Variants in DPF3 observed in about 807,000 individuals in gnomAD.
The protein encoded by DPF3 is zinc finger protein DPF3.
In DPF3, 18 loss-of-function variants were observed where a neutral mutation model predicts 56.8. The observed-to-expected ratio is 0.32, with a 90% CI of 0.22 to 0.47. The LOEUF (loss-of-function observed/expected upper bound fraction) is 0.47. Among genes scored for constraint, DPF3 ranks in the 20% least tolerant of loss-of-function variants. The probability of loss-of-function intolerance (pLI) is 1.00; values close to 1 mark genes in which losing one functional copy is unlikely to be tolerated. For missense variants in DPF3, 403 were observed against 488.8 expected (o/e 0.82, Z 1.65); for synonymous variants, 188 against 180.2 (o/e 1.04, Z -0.35).
chr14:72,846,358 C>T (rs1466871005), intron 1 of DPF3, among the ~76,000 whole-genome samples: 6 of 105,140 alleles, frequency 5.7e-5, no homozygotes, highest in Admixed American at 1.4e-4. Context: ...TTTTTTGAGA[C>T]GGAGTCTCAC....
At chr14:72,736,805 C>T (rs562506369) in intron 3 of DPF3, among the ~76,000 whole-genome samples, 2 of 152,190 alleles carry the variant, frequency 1.3e-5, no homozygotes, top group Non-Finnish European at 2.9e-5. Context: ...CTCACACAAA[C>T]TTGGGGCCCA....
chr14:72,685,926 A>G (rs187115488), intron 7 of DPF3, among the ~76,000 whole-genome samples: 6 of 152,342 alleles, frequency 3.9e-5, no homozygotes, highest in Non-Finnish European at 8.8e-5. Context: ...ACACTTGTCT[A>G]GATTGCCCTC....
intron 1 of DPF3, among the ~76,000 whole-genome samples, chr14:72,870,542 A>G (rs1253017292): frequency 6.6e-6 from 1 of 152,246 alleles, no homozygotes; most frequent in Non-Finnish European, 1.5e-5. Flanking sequence ...TCCTGGACAA[A>G]GCATGCCATA....
In DPF3 at chr14:72,673,227, T is replaced by C. The variant is rs143648603; in HGVS notation, c.871+1013A>G. Among the ~76,000 whole-genome samples, 477 of 152,274 alleles carry C rather than the reference T, an allele frequency of 3.1e-3. 1 individual carries two copies. Among genetic ancestry groups the C allele is most frequent in the Non-Finnish European group, 5.4e-3 (365 of 68,006 alleles). ...CAAGGAAAGAGCTGAGTTGCTACAG[T>C]CAACCATGATGGGGTCATCTCAGTT... On this transcript the variant is annotated intron_variant, in intron 8 of 10. Transcript: ENST00000556509.
intron 1 of DPF3, 131 bp downstream of exon 1, chr14:72,893,923 AAAG>A (rs1254680608): frequency 8.3e-6 from 8 of 967,944 alleles, no homozygotes; most frequent in African/African-American, 6.6e-5. Flanking sequence ...GTAAGAGCTG[AAAG>A]AAGAGAGAAG....
chr14:72,721,713 C>T (rs1043904538), intron 5 of DPF3, among the ~76,000 whole-genome samples: 6 of 152,076 alleles, frequency 3.9e-5, no homozygotes, highest in Non-Finnish European at 8.8e-5. Context: ...GGATTCTTAC[C>T]TCCCCACAAG....
chr14:72,773,921 GGTTGCT>G, intron 1 of DPF3: 1 of 455,434 alleles, frequency 2.2e-6, no homozygotes, highest in Non-Finnish European at 4.4e-6. Context: ...TGGATATCTG[GGTTGCT>G]TCCACATTTT....
intron 1 of DPF3, chr14:72,879,764 C>T (rs1259538787): frequency 1.3e-6 from 2 of 1,513,692 alleles, no homozygotes; most frequent in Admixed American, 2.1e-5. Context: ...TCCCCTCAGA[C>T]TAACAAGTTC....
At chr14:72,804,463 G>A (rs563696582) in intron 1 of DPF3, among the ~76,000 whole-genome samples, 7 of 152,140 alleles carry the variant, frequency 4.6e-5, no homozygotes, top group Non-Finnish European at 7.3e-5. Context: ...AATCTCTAAC[G>A]CAGATAAAGA....
intron 3 of DPF3, among the ~76,000 whole-genome samples, chr14:72,738,367 G>A (rs1889985653): frequency 6.6e-6 from 1 of 152,080 alleles, no homozygotes; most frequent in Admixed American, 6.6e-5. Flanking sequence ...CCATATAACA[G>A]GAGGACTCAT....
At chr14:72,786,837 T>C (rs1037776037) in intron 1 of DPF3, among the ~76,000 whole-genome samples, 2 of 152,216 alleles carry the variant, frequency 1.3e-5, no homozygotes, top group South Asian at 4.1e-4. Context: ...CAAGCAAAAC[T>C]CATAGCTGAA....
chr14:72,762,208 CCCTGACACCCAAA>C (rs1891095528), intron 2 of DPF3, among the ~76,000 whole-genome samples: 1 of 151,728 alleles, frequency 6.6e-6, no homozygotes, highest in Admixed American at 6.6e-5. Context: ...ACCAGCATCA[CCCTGACACCCAAA>C]CCAGACAGAC....
rs371951534 is a variant in DPF3 at position 72,791,968 on chromosome 14, T to C, written c.33-20075A>G. Among the ~76,000 whole-genome samples the C allele has an allele frequency of 9.9e-5, 15 of 152,248 alleles. No individual in the cohort carries two copies. In the East Asian group the frequency reaches 2.9e-3, roughly 29 times the overall value. On this transcript the variant is annotated intron_variant, in intron 1 of 10. Transcript: ENST00000556509. ...TGGGAGGAGATCAGGTGGAGCAGGA[T>C]GACAGTTAGGATAAAGGGCACAGAG...
At chr14:72,764,484 GTTTTTTTTTT>G (rs57886183) in intron 2 of DPF3, among the ~76,000 whole-genome samples, 9 of 52,770 alleles carry the variant, frequency 1.7e-4, no homozygotes, top group Admixed American at 1.0e-3. Context: ...TTCCTGAGTT[GTTTTTTTTTT>G]TTTTTTTTTT....
chr14:72,870,681 T>C (rs1319146189), intron 1 of DPF3, among the ~76,000 whole-genome samples: 1 of 151,822 alleles, frequency 6.6e-6, no homozygotes, highest in Non-Finnish European at 1.5e-5. Context: ...CTCCTACTTA[T>C]CATTTCATTT....
At chr14:72,698,030 C>T (rs148721987) in intron 6 of DPF3, among the ~76,000 whole-genome samples, 2 of 152,324 alleles carry the variant, frequency 1.3e-5, no homozygotes, top group African/African-American at 4.8e-5. Context: ...TAGAATGTCC[C>T]CATCCCCAAT....
chr14:72,737,895 T>G (rs1599397179), intron 3 of DPF3, among the ~76,000 whole-genome samples: 2 of 150,314 alleles, frequency 1.3e-5, no homozygotes, highest in South Asian at 4.2e-4. Flanking sequence ...TCATGAGTGC[T>G]CAATTTTTTT....
At chr14:72,865,666 G>C (rs1199720494) in intron 1 of DPF3, among the ~76,000 whole-genome samples, 1 of 152,226 alleles carries the variant, frequency 6.6e-6, no homozygotes, top group South Asian at 2.1e-4. Context: ...AAACCACAGG[G>C]GGGTAAGGAG....
chr14:72,834,104 G>A (rs1391003132), intron 1 of DPF3, among the ~76,000 whole-genome samples: 1 of 151,880 alleles, frequency 6.6e-6, no homozygotes, highest in Non-Finnish European at 1.5e-5. Context: ...ATTGAACCTG[G>A]GAGGAGAAGG....
Sources: allele counts gnomAD v4.1 joint callset (sites outside exome capture counted in the v4.1 genomes callset), GRCh38; gene constraint gnomAD v4.1.1; transcripts MANE v1.5; gene names NCBI Gene and HGNC (gene_info 2026-07-23, HGNC 2026-07-21).